Variants in LSAMP observed in about 807,000 individuals in gnomAD.
LSAMP encodes limbic system-associated membrane protein.
A neutral mutation model predicts 38.6 loss-of-function variants in LSAMP; 7 were observed. That is an observed-to-expected ratio of 0.18 (90% CI 0.10 to 0.34). The LOEUF is 0.34. LSAMP is among the 10% of genes least tolerant of loss of function. The pLI is 1.00. For synonymous variants in LSAMP, 154 were observed against 166.8 expected (o/e 0.92, Z 0.59); for missense variants, 313 against 420.0 (o/e 0.75, Z 2.23).
At position 116,425,890 on chromosome 3, in the gene LSAMP, T is replaced by A. The variant is rs530782300; in HGVS notation, c.155+18987A>T. Among the ~76,000 whole-genome samples the A allele has an allele frequency of 2.0e-5, 3 of 150,932 alleles. No homozygotes were observed. In the South Asian group the frequency reaches 6.3e-4, roughly 32 times the overall value. Reference sequence around the variant, plus strand: ...TCCTAAAGCAAAAAAAAAAAATTAATACACACAAAAGGAAAGATGGACTTG... The same window carrying A: ...TCCTAAAGCAAAAAAAAAAAATTAAAACACACAAAAGGAAAGATGGACTTG... On this transcript the variant is annotated intron_variant, in intron 1 of 6. Transcript: ENST00000490035.
chr3:115,949,830 G>A (rs987273939), intron 3 of LSAMP, among the ~76,000 whole-genome samples: 2 of 151,434 alleles, frequency 1.3e-5, no homozygotes, highest in Non-Finnish European at 2.9e-5. Context: ...GAACATAGAC[G>A]TAAAAATTAG....
At chr3:116,069,866 C>T (rs9289042) in intron 2 of LSAMP, among the ~76,000 whole-genome samples, 1 of 151,834 alleles carries the variant, frequency 6.6e-6, no homozygotes, top group Non-Finnish European at 1.5e-5. Flanking sequence ...TAAAGGGAAA[C>T]GCTGGCAATG....
chr3:115,969,861 G>A (rs7650247), intron 3 of LSAMP, among the ~76,000 whole-genome samples: 10 of 151,880 alleles, frequency 6.6e-5, no homozygotes, highest in Admixed American at 2.0e-4. Context: ...ACTTTTTAAC[G>A]TCACATCATA....
chr3:116,269,178 A>ATAAG (rs1379212842), intron 1 of LSAMP, among the ~76,000 whole-genome samples: 2 of 152,280 alleles, frequency 1.3e-5, no homozygotes, highest in Middle Eastern at 3.4e-3. Context: ...TGATGAAGAG[A>ATAAG]TAAGTGAAAG....
rs899856331 is a variant in LSAMP at position 115,865,036 on chromosome 3, C to G, written c.515-12419G>C. Among the ~76,000 whole-genome samples the G allele has an allele frequency of 5.3e-5, 8 of 152,158 alleles. No individual in the cohort carries two copies. The South Asian group carries it at 1.0e-3, about 20-fold the overall frequency. On this transcript the variant is annotated intron_variant, in intron 3 of 6. Transcript: ENST00000490035. ...GCCTCCTGTACCTATCACATAAGAT[C>G]TCATTGCAACCACTCAGAATAACTG... is the stretch of plus-strand genomic sequence containing the variant.
At chr3:116,252,593 CTCTTGTAA>C (rs201367197) in intron 1 of LSAMP, among the ~76,000 whole-genome samples, 2,220 of 152,240 alleles carry the variant, frequency 0.015, 97 homozygotes, top group Admixed American at 0.085. Context: ...TCTCTAGAGG[CTCTTGTAA>C]TCTTATGAAT....
intron 2 of LSAMP, among the ~76,000 whole-genome samples, chr3:116,027,391 G>C (rs372666359): frequency 6.6e-6 from 1 of 152,248 alleles, no homozygotes; most frequent in East Asian, 1.9e-4. Context: ...CCAGAGATAC[G>C]GGGCTTGTGT....
At chr3:115,859,811 T>C (rs55676969) in intron 3 of LSAMP, among the ~76,000 whole-genome samples, 43,805 of 152,154 alleles carry the variant, frequency 0.29, 6,564 homozygotes, top group African/African-American at 0.32. Context: ...TTGAGCTGAG[T>C]TTCCAGCCTG....
At chr3:116,332,213 A>G (rs2047861601) in intron 1 of LSAMP, among the ~76,000 whole-genome samples, 1 of 152,144 alleles carries the variant, frequency 6.6e-6, no homozygotes, top group Non-Finnish European at 1.5e-5. Flanking sequence ...AAATGATAGT[A>G]TTATTGAAAC....
At chr3:115,832,551 CT>C (rs1412202771) in intron 6 of LSAMP, among the ~76,000 whole-genome samples, 2 of 152,078 alleles carry the variant, frequency 1.3e-5, no homozygotes, top group Admixed American at 1.3e-4. Flanking sequence ...CAATGGGAAG[CT>C]GCATTTCGCT....
chr3:116,261,812 G>A (rs2046830635), intron 1 of LSAMP, among the ~76,000 whole-genome samples: 1 of 150,650 alleles, frequency 6.6e-6, no homozygotes, highest in South Asian at 2.1e-4. Context: ...GTGTGTATGT[G>A]TGTGTATTAT....
At chr3:115,944,647 GTTAT>G (rs1380563890) in intron 3 of LSAMP, among the ~76,000 whole-genome samples, 1 of 152,150 alleles carries the variant, frequency 6.6e-6, no homozygotes, top group Non-Finnish European at 1.5e-5. Context: ...AATTATCTTA[GTTAT>G]TAATTGCAAT....
At chr3:115,868,009 T>C (rs1935910134) in intron 3 of LSAMP, among the ~76,000 whole-genome samples, 1 of 152,118 alleles carries the variant, frequency 6.6e-6, no homozygotes. Flanking sequence ...GTCCAAAATA[T>C]GTTTGTTTAC....
intron 1 of LSAMP, among the ~76,000 whole-genome samples, chr3:116,269,396 A>G (rs1162303050): frequency 6.6e-6 from 1 of 152,126 alleles, no homozygotes; most frequent in African/African-American, 2.4e-5. Flanking sequence ...AAAGCATTTA[A>G]GAGAGTACTC....
intron 1 of LSAMP, among the ~76,000 whole-genome samples, chr3:116,211,553 A>T (rs1227002091): frequency 6.6e-6 from 1 of 152,234 alleles, no homozygotes; most frequent in African/African-American, 2.4e-5. Context: ...GTAAATACAG[A>T]AATATGGGAA....
At chr3:116,344,017 G>A (rs1212123770) in intron 1 of LSAMP, among the ~76,000 whole-genome samples, 8 of 152,126 alleles carry the variant, frequency 5.3e-5, no homozygotes, top group Middle Eastern at 3.4e-3. Context: ...CATGGAAAAA[G>A]AAAATTTTCA....
intron 3 of LSAMP, among the ~76,000 whole-genome samples, chr3:115,869,955 C>G (rs373285467): frequency 1.3e-5 from 2 of 152,018 alleles, no homozygotes; most frequent in South Asian, 4.2e-4. Flanking sequence ...CAAGCTATGT[C>G]CCATGAGCCA....
chr3:116,310,910 AGTT>A (rs201547108), intron 1 of LSAMP, among the ~76,000 whole-genome samples: 3,141 of 62,348 alleles, frequency 0.05, 90 homozygotes, highest in East Asian at 0.13. Flanking sequence ...GATGATGATA[AGTT>A]GTTTTTTTTT....
intron 1 of LSAMP, among the ~76,000 whole-genome samples, chr3:116,197,390 C>CT (rs1003307121): frequency 5.3e-5 from 8 of 151,460 alleles, no homozygotes; most frequent in African/African-American, 1.2e-4. Flanking sequence ...ACAACATCAT[C>CT]TTTTTTTTTA....
Sources: allele counts gnomAD v4.1 joint callset (sites outside exome capture counted in the v4.1 genomes callset), GRCh38; gene constraint gnomAD v4.1.1; transcripts MANE v1.5; gene names NCBI Gene and HGNC (gene_info 2026-07-23, HGNC 2026-07-21).